The following RGL1 variants were observed in gnomAD, a reference collection of about 807,000 sequenced individuals.
The protein encoded by RGL1 is ral guanine nucleotide dissociation stimulator-like 1.
A neutral mutation model predicts 95.2 loss-of-function variants in RGL1; 24 were observed. That is an observed-to-expected ratio of 0.25 (90% CI 0.18 to 0.35). RGL1 has a LOEUF of 0.35. Ranked by LOEUF, RGL1 falls within the 10% of genes least tolerant of loss-of-function variation. The pLI, the probability that RGL1 is intolerant of heterozygous loss-of-function variation, is 1.00. For synonymous variants in RGL1, 329 were observed against 344.9 expected (o/e 0.95, Z 0.51); for missense variants, 715 against 936.3 (o/e 0.76, Z 3.08).
chr1:183,789,690 G>T (rs577238019), intron 2 of RGL1, among the ~76,000 whole-genome samples: 2 of 152,010 alleles, frequency 1.3e-5, no homozygotes, highest in African/African-American at 4.8e-5. Flanking sequence ...ATTTAACCAG[G>T]TATATTAATT....
chr1:183,772,971 TGCAGTCC>T (rs1228478493), intron 2 of RGL1, among the ~76,000 whole-genome samples: 3 of 132,448 alleles, frequency 2.3e-5, no homozygotes, highest in Non-Finnish European at 4.6e-5. Flanking sequence ...ATTGTGCCAC[TGCAGTCC>T]GCAGTCCGGC....
At chr1:183,875,842 G>A (rs1200310137) in intron 4 of RGL1, among the ~76,000 whole-genome samples, 1 of 137,826 alleles carries the variant, frequency 7.3e-6, no homozygotes, top group African/African-American at 2.8e-5. Flanking sequence ...TTGCGCCACT[G>A]CACTCCAGCC....
chr1:183,771,605 T>C (rs1043862116), intron 2 of RGL1, among the ~76,000 whole-genome samples: 1 of 152,236 alleles, frequency 6.6e-6, no homozygotes, highest in African/African-American at 2.4e-5. Context: ...TTCTGTTCTT[T>C]AAACTCATCC....
intron 1 of RGL1, among the ~76,000 whole-genome samples, chr1:183,638,661 A>C (rs1052497292): frequency 6.6e-6 from 1 of 152,154 alleles, no homozygotes; most frequent in Admixed American, 6.5e-5. Context: ...CATCTTAGGT[A>C]ATATTATTTT....
chr1:183,888,462 C>T lies in RGL1; in HGVS notation c.952-12C>T, dbSNP rs1667242085. 2 of 1,506,512 alleles carry T rather than the reference C, an allele frequency of 1.3e-6. No homozygotes were observed. The highest frequency in any genetic ancestry group is 1.8e-6 in the Non-Finnish European group (2 of 1,082,510). The allele number at this position is 1,506,512 out of a possible 1,614,324, so 93.3% of individuals were successfully genotyped here. On this transcript the variant is annotated splice_polypyrimidine_tract_variant and intron_variant, in intron 7 of 17. Transcript: ENST00000360851. ...TTAAATGCCTTTTATGTTTTAATCACTCCCCATGCAGGAATGTAGACTCCT... is the reference window on the plus strand; with the variant it reads ...TTAAATGCCTTTTATGTTTTAATCATTCCCCATGCAGGAATGTAGACTCCT...
chr1:183,912,344 C>A, intron 15 of RGL1, 76 bp downstream of exon 15: 1 of 1,239,002 alleles, frequency 8.1e-7, no homozygotes, highest in South Asian at 1.4e-5. Flanking sequence ...CAAGGAATGT[C>A]TGTTTTTAAG....
chr1:183,768,364 C>G (rs1441192382), intron 2 of RGL1, among the ~76,000 whole-genome samples: 1 of 151,544 alleles, frequency 6.6e-6, no homozygotes, highest in Non-Finnish European at 1.5e-5. Flanking sequence ...ATATCCATAA[C>G]TTTCTTCACA....
chr1:183,916,663 G>A lies in RGL1; in HGVS notation c.1966G>A (p.Val656Met), dbSNP rs757700441. 3.3e-5 allele frequency: 53 copies of A among 1,613,628 alleles called. No individual in the cohort carries two copies. The highest frequency in any genetic ancestry group is 4.4e-5 in the Non-Finnish European group (52 of 1,180,010). Residue 656 changes from valine (V) to methionine (M), a missense_variant, in exon 16 of 18, where the codon GTG becomes ATG. Coordinates refer to ENST00000360851, the MANE Select transcript of RGL1 (RefSeq NM_001297671.3). ...AGACACCTGCATAATCCGCATCAGT[G>A]TGGAAGACAATAACGGCAACATGTA... The part of the protein sequence containing the change: ...NEDTCIIRIS[V>M]EDNNGNMYKS...
chr1:183,644,277 AATTAT>A (rs1650138599), intron 1 of RGL1, among the ~76,000 whole-genome samples: 1 of 152,126 alleles, frequency 6.6e-6, no homozygotes. Flanking sequence ...CAGTTACTTA[AATTAT>A]CTGTGCCACA....
At chr1:183,753,835 A>G (rs1186006340) in intron 2 of RGL1, among the ~76,000 whole-genome samples, 1 of 152,150 alleles carries the variant, frequency 6.6e-6, no homozygotes, top group Non-Finnish European at 1.5e-5. Flanking sequence ...GTGATTTTGT[A>G]TTCTGAGTGT....
chr1:183,849,630 A>G (rs1428868513), intron 3 of RGL1, among the ~76,000 whole-genome samples: 1 of 151,668 alleles, frequency 6.6e-6, no homozygotes, highest in African/African-American at 2.4e-5. Flanking sequence ...AGCTGGGATT[A>G]CAGGTGCATG....
At chr1:183,902,705 C>T in intron 12 of RGL1, 105 bp downstream of exon 12, 1 of 1,026,760 alleles carries the variant, frequency 9.7e-7, no homozygotes, top group Non-Finnish European at 1.5e-6. Flanking sequence ...GAGTTAGCAC[C>T]TACTGAACGT....
chr1:183,905,346 T>C (rs1668257782), intron 13 of RGL1, among the ~76,000 whole-genome samples: 1 of 152,204 alleles, frequency 6.6e-6, no homozygotes, highest in Non-Finnish European at 1.5e-5. Flanking sequence ...TTGTCATTCC[T>C]GTTAATTGAT....
At chr1:183,922,437 G>C in intron 17 of RGL1, 101 bp downstream of exon 17, 1 of 837,738 alleles carries the variant, frequency 1.2e-6, no homozygotes, top group Non-Finnish European at 2.0e-6. Context: ...GATACGTATT[G>C]TTTTATTGGG....
chr1:183,781,196 C>T (rs1245512006), intron 2 of RGL1, among the ~76,000 whole-genome samples: 1 of 152,124 alleles, frequency 6.6e-6, no homozygotes, highest in Non-Finnish European at 1.5e-5. Flanking sequence ...ATTGAAAACC[C>T]AGATGAAGCA....
intron 3 of RGL1, among the ~76,000 whole-genome samples, chr1:183,863,047 C>G (rs568550089): frequency 5.9e-5 from 9 of 152,254 alleles, no homozygotes; most frequent in African/African-American, 1.7e-4. Flanking sequence ...ACCTGAGGAG[C>G]TGAGAGAGTG....
chr1:183,736,956 A>G (rs527735191), intron 1 of RGL1, among the ~76,000 whole-genome samples: 1 of 152,340 alleles, frequency 6.6e-6, no homozygotes, highest in South Asian at 2.1e-4. Context: ...AAACCATTTA[A>G]AGAGGAGGAG....
At chr1:183,815,144 T>C (rs537891392) in intron 2 of RGL1, among the ~76,000 whole-genome samples, 1 of 152,194 alleles carries the variant, frequency 6.6e-6, no homozygotes, top group Non-Finnish European at 1.5e-5. Flanking sequence ...CATGGTGGCA[T>C]GTGCCTGTAA....
chr1:183,880,708 A>C lies in RGL1; in HGVS notation c.518A>C (p.Asp173Ala), dbSNP rs1257216326. 6.2e-7 allele frequency: 1 copy of C among 1,613,800 alleles called. No individual in the cohort carries two copies. The highest frequency in any genetic ancestry group is 1.3e-5 in the African/African-American group (1 of 74,904). Residue 173 changes from aspartate (D) to alanine (A), a missense_variant, in exon 5 of 18, where the codon GAT (aspartate) becomes GCT (alanine). This residue lies in a region of RGL1 where 381 missense variants were observed against 484.8 expected (regional missense o/e 0.79). Transcript: ENST00000360851. ...PHFPCLQKLLDYLTRMMPGSD... is the reference protein window; with the variant it reads ...PHFPCLQKLLAYLTRMMPGSD... The stretch of plus-strand genomic sequence containing the variant: ...TTCCCTTGCTTACAGAAACTGCTGG[A>C]TTATCTCACACGGATGATGCCGGGC...
Sources: gnomAD v4.1 joint callset for allele counts (sites outside exome capture counted in the v4.1 genomes callset) on GRCh38, gnomAD v4.1.1 for gene constraint, gnomAD v4.1.1 regional missense constraint, MANE v1.5 for transcripts, NCBI Gene and HGNC (gene_info 2026-07-23, HGNC 2026-07-21) for gene names.